NFXL1: variants seen among roughly 807,000 people sequenced by gnomAD.
NFXL1 encodes NF-X1-type zinc finger protein NFXL1.
In NFXL1, 66 loss-of-function variants were observed where a neutral mutation model predicts 123.3. The ratio of observed to expected loss-of-function variants is 0.54; its 90% CI spans 0.44 to 0.66. The LOEUF (loss-of-function observed/expected upper bound fraction) is 0.66, where lower values mean the gene tolerates loss of function less well. NFXL1 is among the 30% of genes least tolerant of loss of function. The probability of loss-of-function intolerance (pLI) is 0.00; values close to 1 mark genes in which losing one functional copy is unlikely to be tolerated. For missense variants in NFXL1, 944 were observed against 1,125.6 expected, an observed-to-expected ratio of 0.84 and a Z score of 2.31; for synonymous variants, 346 against 360.8, an observed-to-expected ratio of 0.96 and a Z score of 0.46.
At chr4:47,873,962 C>G (rs1411066867) in intron 18 of NFXL1, among the ~76,000 whole-genome samples, 2 of 152,318 alleles carry the variant, frequency 1.3e-5, no homozygotes, top group South Asian at 4.1e-4. Context: ...TCACCTTGCA[C>G]TTTTATGTTA....
chr4:47,898,390 A>G (rs887936775), intron 8 of NFXL1, among the ~76,000 whole-genome samples: 11 of 152,150 alleles, frequency 7.2e-5, no homozygotes, highest in African/African-American at 2.7e-4. Flanking sequence ...AACCATGCCA[A>G]TTCTAGGACA....
chr4:47,869,310 T>C (rs1735291467), intron 18 of NFXL1, among the ~76,000 whole-genome samples: 1 of 152,134 alleles, frequency 6.6e-6, no homozygotes, highest in South Asian at 2.1e-4. Flanking sequence ...AGCTACTGTA[T>C]TAAAACATGA....
At chr4:47,877,674 A>G (rs1039251466) in intron 17 of NFXL1, among the ~76,000 whole-genome samples, 1 of 152,074 alleles carries the variant, frequency 6.6e-6, no homozygotes, top group African/African-American at 2.4e-5. Flanking sequence ...CAATACATTT[A>G]CACATGTTTG....
intron 15 of NFXL1, among the ~76,000 whole-genome samples, chr4:47,883,860 G>A (rs915815771): frequency 2.6e-5 from 4 of 152,088 alleles, no homozygotes; most frequent in Non-Finnish European, 5.9e-5. Context: ...CCAGGATTCC[G>A]TATTACTGTA....
At chr4:47,881,244 C>T (rs536047452) in intron 15 of NFXL1, among the ~76,000 whole-genome samples, 94 of 152,150 alleles carry the variant, frequency 6.2e-4, no homozygotes, top group Non-Finnish European at 8.2e-4. Flanking sequence ...ATAATGGATA[C>T]GCTAATTGCC....
chr4:47,901,181 C>A (rs1296660682), intron 5 of NFXL1, among the ~76,000 whole-genome samples: 3 of 152,100 alleles, frequency 2.0e-5, no homozygotes, highest in Admixed American at 2.0e-4. Flanking sequence ...TTAGTAGAAA[C>A]CTATATTTTA....
At chr4:47,905,514 G>A (rs926040599) in intron 3 of NFXL1, among the ~76,000 whole-genome samples, 168 bp from the exon 4 acceptor site, 1 of 152,056 alleles carries the variant, frequency 6.6e-6, no homozygotes, top group African/African-American at 2.4e-5. Flanking sequence ...GCTGTCAAGA[G>A]GTAACGAAGT....
chr4:47,884,353 T>A lies in NFXL1; in HGVS notation c.1909A>T (p.Ile637Phe). The A allele has an allele frequency of 6.4e-7, 1 of 1,567,876 alleles. No individual in the cohort carries two copies. The highest frequency in any genetic ancestry group is 8.8e-7 in the Non-Finnish European group (1 of 1,142,742). Residue 637 changes from isoleucine to phenylalanine, a missense_variant, in exon 15 of 23, where the codon ATT becomes TTT. Ile to Phe is a conservative substitution (Grantham distance 21). Around this residue, in one of 4 missense-constraint regions of NFXL1, gnomAD observed 301 missense variants for 348.0 expected, o/e 0.86. Coordinates refer to ENST00000507489, the MANE Select transcript of NFXL1 (RefSeq NM_001278624.2). Reference sequence around the variant, plus strand: ...TGAAATTCTAATACTTACATAGGAATAGGAACTTGACATGGAGGACACGGT... The same window carrying A: ...TGAAATTCTAATACTTACATAGGAAAAGGAACTTGACATGGAGGACACGGT... ...ALPCPPCQVP[I>F]PMECLGKHEV...
At chr4:47,878,687 G>GCA (rs754419179) in intron 16 of NFXL1, 22 bp from the exon 17 acceptor site, 22 of 1,486,112 alleles carry the variant, frequency 1.5e-5, no homozygotes, top group Non-Finnish European at 2.0e-5. Flanking sequence ...AAGGAAATCA[G>GCA]CACAGCACAC....
intron 12 of NFXL1, among the ~76,000 whole-genome samples, chr4:47,887,271 T>C (rs936314088): frequency 2.0e-5 from 3 of 152,146 alleles, no homozygotes; most frequent in Admixed American, 6.5e-5. Context: ...TTAAAGAGAC[T>C]GTTGCCTAGG....
chr4:47,852,798 T>A (rs1236393625), intron 20 of NFXL1, among the ~76,000 whole-genome samples: 1 of 152,084 alleles, frequency 6.6e-6, no homozygotes, highest in Non-Finnish European at 1.5e-5. Context: ...CAATGTCACT[T>A]TTACTCTCAG....
chr4:47,913,127 T>C (rs1413424484), intron 2 of NFXL1, among the ~76,000 whole-genome samples: 1 of 151,922 alleles, frequency 6.6e-6, no homozygotes, highest in Non-Finnish European at 1.5e-5. Context: ...ACCTTTCAAA[T>C]TAGCCTAGGA....
Position 47,899,031 on chromosome 4 carries a change from A to C in NFXL1, c.916T>G (p.Trp306Gly), listed in dbSNP as rs887140560. ...TGTCCACATGGCAGCTGACAAGACC[A>C]TTCCTTGGCACTGCACCTACGAGGG... ...PIPRRCSAKE[W>G]SCQLPCGQKL... The change falls in exon 7 of 23, where the codon TGG (tryptophan) becomes GGG (glycine). Residue 306 changes from tryptophan (W) to glycine (G), a missense_variant. Trp to Gly is a radical substitution (Grantham distance 184). Around this residue, in one of 4 missense-constraint regions of NFXL1, gnomAD observed 296 missense variants for 395.1 expected, o/e 0.75. Coordinates refer to ENST00000507489, the MANE Select transcript of NFXL1 (RefSeq NM_001278624.2). 1.2e-6 allele frequency: 2 copies of C among 1,613,504 alleles called. No individual in the cohort carries two copies. The highest frequency in any genetic ancestry group is 3.3e-5 in the Admixed American group (2 of 59,912).
chr4:47,886,664 C>T (rs1287233293), intron 12 of NFXL1, among the ~76,000 whole-genome samples: 1 of 152,214 alleles, frequency 6.6e-6, no homozygotes, highest in African/African-American at 2.4e-5. Flanking sequence ...CCACTGCACC[C>T]AGCCTCTGAT....
chr4:47,902,002 T>C (rs990146785), intron 5 of NFXL1, among the ~76,000 whole-genome samples: 6 of 152,066 alleles, frequency 3.9e-5, no homozygotes, highest in Admixed American at 2.0e-4. Context: ...GCCAACATGG[T>C]GAAACCCCAT....
intron 5 of NFXL1, among the ~76,000 whole-genome samples, chr4:47,900,915 T>C (rs1364028251): frequency 1.3e-5 from 2 of 152,186 alleles, no homozygotes; most frequent in Non-Finnish European, 2.9e-5. Flanking sequence ...AATAAGTAAC[T>C]GGCGCTTTGT....
chr4:47,856,234 CACA>C (rs1734403075), intron 19 of NFXL1, among the ~76,000 whole-genome samples: 1 of 151,988 alleles, frequency 6.6e-6, no homozygotes, highest in Non-Finnish European at 1.5e-5. Flanking sequence ...TGTAAAATTT[CACA>C]TGTAAAAGAG....
chr4:47,897,948 A>T lies in NFXL1; in HGVS notation c.1204+19T>A, dbSNP rs887538402. The T allele has an allele frequency of 1.6e-5, 22 of 1,385,118 alleles. No individual in the cohort carries two copies. Among genetic ancestry groups the T allele is most frequent in the Middle Eastern group, 1.8e-4 (1 of 5,520 alleles). 85.8% of individuals were successfully genotyped at this position (1,385,118 alleles called of 1,614,324 possible). On this transcript the variant is annotated intron_variant, in intron 9 of 22. Coordinates refer to ENST00000507489, the MANE Select transcript of NFXL1 (RefSeq NM_001278624.2). ...GACAGATCATTTCCTATATAAATAT[A>T]AAAAAAAACAAGTCTTACTTGATTT...
At chr4:47,896,809 C>A (rs1578033976) in intron 9 of NFXL1, 162 bp from the exon 10 acceptor site, 1 of 550,626 alleles carries the variant, frequency 1.8e-6, no homozygotes, top group South Asian at 2.6e-5. Flanking sequence ...TGAAAATAAT[C>A]CCTAATATTT....
Sources: gnomAD v4.1 joint callset for allele counts (sites outside exome capture counted in the v4.1 genomes callset) on GRCh38, gnomAD v4.1.1 for gene constraint, gnomAD v4.1.1 regional missense constraint, MANE v1.5 for transcripts, NCBI Gene and HGNC (gene_info 2026-07-23, HGNC 2026-07-21) for gene names.